SPTAN1: variants seen among roughly 807,000 people sequenced by gnomAD.
SPTAN1 encodes the protein spectrin alpha, non-erythrocytic 1.
In SPTAN1, 61 loss-of-function variants were observed where a neutral mutation model predicts 331.3. The observed-to-expected ratio is 0.18, with a 90% CI of 0.15 to 0.23. SPTAN1 has a LOEUF of 0.23. SPTAN1 is among the 10% of genes least tolerant of loss of function. The probability of loss-of-function intolerance (pLI) is 1.00; values close to 1 mark genes in which losing one functional copy is unlikely to be tolerated. For missense variants in SPTAN1, 2,043 were observed against 3,147.9 expected (o/e 0.65, Z 8.40); for synonymous variants, 1,153 against 1,173.9 (o/e 0.98, Z 0.36).
At chr9:128,601,014 C>A (rs1294785409) in intron 27 of SPTAN1, among the ~76,000 whole-genome samples, 4 of 33,430 alleles carry the variant, frequency 1.2e-4, no homozygotes, top group Non-Finnish European at 1.9e-4. Flanking sequence ...GACGGAGTCT[C>A]GCTCTGTTGC....
At chr9:128,619,249 G>A (rs1208902822) in intron 44 of SPTAN1, among the ~76,000 whole-genome samples, 1 of 152,146 alleles carries the variant, frequency 6.6e-6, no homozygotes. Context: ...ACCAGGCAGC[G>A]CTGTGGGCTT....
chr9:128,608,219 C>T lies in SPTAN1; in HGVS notation c.4434C>T (p.Asp1478=). The T allele has an allele frequency of 2.5e-6, 4 of 1,614,110 alleles. No homozygotes were observed. Among genetic ancestry groups the T allele is most frequent in the Non-Finnish European group, 3.4e-6 (4 of 1,180,028 alleles). ...CCGAAGACAAAGGAGACTCACTGGA[C>T]AGCGTAGAGGCTCTGATCAAAAAAC... The part of the protein sequence containing the change: ...LNTEDKGDSL[D]SVEALIKKHE... The change falls in exon 34 of 57, where the codon GAC becomes GAT. Residue 1478 remains aspartate, a synonymous_variant. Transcript: ENST00000372739.
intron 30 of SPTAN1, 25 bp from the exon 31 acceptor site, chr9:128,605,271 C>G: frequency 6.2e-7 from 1 of 1,614,174 alleles, no homozygotes; most frequent in Non-Finnish European, 8.5e-7. Context: ...TTACTGCAAG[C>G]TCATTCACCA....
intron 3 of SPTAN1, among the ~76,000 whole-genome samples, chr9:128,569,334 G>A (rs886077610): frequency 6.6e-6 from 1 of 151,982 alleles, no homozygotes; most frequent in Non-Finnish European, 1.5e-5. Flanking sequence ...TTACGTCTAG[G>A]CAGCAAGCCT....
Position 128,615,787 on chromosome 9 carries a change from C to G in SPTAN1, c.5304C>G (p.Ser1768=). Residue 1768 remains serine (S), a synonymous_variant, in exon 41 of 57, where the codon TCC becomes TCG. Transcript: ENST00000372739. ...CCCGGCGAGCCAAGCTGAATGAATC[C>G]CATCGCCTGCACCAGTTCTTCCGGG... ...AASRRAKLNE[S]HRLHQFFRDM... is the part of the protein sequence containing the mutation. 1 of 1,614,220 alleles carries G rather than the reference C, an allele frequency of 6.2e-7. No individual in the cohort carries two copies. Among genetic ancestry groups the G allele is most frequent in the Non-Finnish European group, 8.5e-7 (1 of 1,180,036 alleles).
intron 51 of SPTAN1, chr9:128,628,881 C>G (rs113036663): frequency 2.8e-6 from 1 of 361,492 alleles, no homozygotes; most frequent in Non-Finnish European, 4.9e-6. Flanking sequence ...TGGTCTTGCT[C>G]TTGTCTCCGT....
intron 45 of SPTAN1, among the ~76,000 whole-genome samples, chr9:128,622,255 T>C (rs1249651541): frequency 6.6e-6 from 1 of 150,704 alleles, no homozygotes; most frequent in Non-Finnish European, 1.5e-5. Flanking sequence ...AGATCACCAG[T>C]GTGAGTGTCC....
intron 19 of SPTAN1, among the ~76,000 whole-genome samples, chr9:128,586,883 T>C (rs1299967591): frequency 6.6e-6 from 1 of 151,754 alleles, no homozygotes; most frequent in Admixed American, 6.6e-5. Context: ...AGTGGCATGA[T>C]CTCGGATAAC....
chr9:128,611,501 G>C (rs552452166), intron 37 of SPTAN1: 388 of 580,402 alleles, frequency 6.7e-4, no homozygotes, highest in Non-Finnish European at 1.1e-3. Flanking sequence ...ATCTACTCCT[G>C]AGCTAGTACA....
chr9:128,607,747 G>A lies in SPTAN1; in HGVS notation c.4146+44G>A, dbSNP rs1564279237. ...TGAGTAGCAAAGACGTGGCTGCTCTGCAGGGCCCTAGAGGCCTCATTCCCA... is the reference window on the plus strand; with the variant it reads ...TGAGTAGCAAAGACGTGGCTGCTCTACAGGGCCCTAGAGGCCTCATTCCCA... On this transcript the variant is annotated intron_variant, in intron 32 of 56. Transcript: ENST00000372739. 3.1e-6 allele frequency: 5 copies of A among 1,612,084 alleles called. No homozygotes were observed. The South Asian group carries it at 3.3e-5, about 11-fold the overall frequency.
chr9:128,599,685 T>TAAAAAA (rs5900811), intron 26 of SPTAN1: 2 of 124,312 alleles, frequency 1.6e-5, no homozygotes, highest in Non-Finnish European at 3.1e-5. Context: ...AGCACAGCTC[T>TAAAAAA]AAAAAAAAAA....
rs1212341300 is a variant in SPTAN1, at chr9:128,627,993, C to T, written c.6707+51C>T. ...GGGCTTGTCATGTGGGGGTCTCGTG[C>T]GCTTGCCCCTCGTGGCCTGGCTTGT... On this transcript the variant is annotated intron_variant, in intron 51 of 56. Coordinates refer to ENST00000372739, the MANE Select transcript of SPTAN1 (RefSeq NM_001130438.3). The surrounding 1 kb of genome is among the most constrained non-coding windows in gnomAD (Gnocchi z 4.9). 11 of 1,611,868 alleles carry T rather than the reference C, an allele frequency of 6.8e-6. No homozygotes were observed. The highest frequency in any genetic ancestry group is 1.3e-5 in the African/African-American group (1 of 74,834).
intron 1 of SPTAN1, among the ~76,000 whole-genome samples, chr9:128,561,662 CAAAAAAAAAAAAA>C (rs762156669): frequency 0.017 from 279 of 15,988 alleles, 10 homozygotes; most frequent in African/African-American, 0.041. Context: ...GACTCCGTCT[CAAAAAAAAAAAAA>C]AAAAAAAAAA....
At chr9:128,612,339 G>A in intron 39 of SPTAN1, 93 bp downstream of exon 39, 1 of 1,528,558 alleles carries the variant, frequency 6.5e-7, no homozygotes. Flanking sequence ...GAAAAGGCAG[G>A]GCTCACCAGA....
intron 11 of SPTAN1, 75 bp from the exon 12 acceptor site, chr9:128,581,707 A>G: frequency 1.6e-6 from 2 of 1,221,662 alleles, no homozygotes; most frequent in Non-Finnish European, 2.4e-6. Flanking sequence ...TTTGGCCAAA[A>G]TACCCTTTGC....
chr9:128,614,768 A>T (rs531344103), intron 40 of SPTAN1, among the ~76,000 whole-genome samples: 1 of 152,102 alleles, frequency 6.6e-6, no homozygotes, highest in Non-Finnish European at 1.5e-5. Context: ...GAGCAAGGAA[A>T]AAAAAGTTGT....
intron 3 of SPTAN1, among the ~76,000 whole-genome samples, chr9:128,569,518 G>C (rs554266542): frequency 6.6e-6 from 1 of 151,208 alleles, no homozygotes; most frequent in Non-Finnish European, 1.5e-5. Flanking sequence ...CACATATCTA[G>C]TATGAAGATA....
intron 45 of SPTAN1, 135 bp from the exon 46 acceptor site, chr9:128,624,193 A>G (rs1221100657): frequency 5.3e-6 from 5 of 948,870 alleles, no homozygotes; most frequent in African/African-American, 3.3e-5. Flanking sequence ...GCCTTACCCT[A>G]TCATTGTTTA....
chr9:128,626,747 C>T (rs1219849305), intron 49 of SPTAN1, 60 bp downstream of exon 49: 2 of 1,510,324 alleles, frequency 1.3e-6, no homozygotes, highest in East Asian at 4.8e-5. Context: ...CTGGGCCCTG[C>T]TCAGAGCCCA....
Sources: gnomAD v4.1 joint callset for allele counts (sites outside exome capture counted in the v4.1 genomes callset) on GRCh38, gnomAD v4.1.1 for gene constraint, Gnocchi (gnomAD v3.1) non-coding constraint, MANE v1.5 for transcripts, NCBI Gene and HGNC (gene_info 2026-07-23, HGNC 2026-07-21) for gene names.